Variants in PPFIBP1 observed in about 807,000 individuals in gnomAD.
PPFIBP1 encodes PPFIB scaffold protein 1, also known as liprin-beta-1.
In PPFIBP1, 112 loss-of-function variants were observed where a neutral mutation model predicts 137.8. That is an observed-to-expected ratio of 0.81 (90% confidence interval 0.70 to 0.95). The LOEUF is 0.95. PPFIBP1 is among the 40% of genes least tolerant of loss of function. The pLI, the probability that PPFIBP1 is intolerant of heterozygous loss-of-function variation, is 0.00. For synonymous variants in PPFIBP1, 378 were observed against 417.3 expected (o/e 0.91, Z 1.15); for missense variants, 1,083 against 1,196.6 (o/e 0.91, Z 1.40).
intron 1 of PPFIBP1, among the ~76,000 whole-genome samples, chr12:27,535,406 GTTTGTTTTGTTTTGT>G (rs142453813): frequency 6.6e-6 from 1 of 151,870 alleles, no homozygotes; most frequent in South Asian, 2.1e-4. Flanking sequence ...TGTTGTTGTT[GTTTGTTTTGTTTTGT>G]TTTGTTTTTT....
chr12:27,688,903 A>T, intron 26 of PPFIBP1, 112 bp from the exon 27 acceptor site: 1 of 997,588 alleles, frequency 1.0e-6, no homozygotes, highest in Non-Finnish European at 1.5e-6. Context: ...CGGGCTGTTG[A>T]GAGGATCATT....
intron 1 of PPFIBP1, among the ~76,000 whole-genome samples, chr12:27,527,720 C>T (rs551541952): frequency 1.3e-5 from 2 of 151,794 alleles, no homozygotes; most frequent in East Asian, 1.9e-4. Context: ...TGCGTAATGA[C>T]GTTTTTATTT....
Position 27,691,597 on chromosome 12 carries a change from C to G in PPFIBP1, c.2686-152C>G, listed in dbSNP as rs2061547987. The G allele has an allele frequency of 5.6e-6, 3 of 532,698 alleles. No homozygotes were observed. The Admixed American group carries it at 1.0e-4, about 18-fold the overall frequency. The allele number at this position is 532,698 out of a possible 1,614,324, so 33.0% of individuals were successfully genotyped here. A position where few individuals can be genotyped will look rare whatever the true frequency, so the allele number is the denominator to read the frequency against. ...TTTGTTTTTATCCATATTTAAACATCCAGCTACTTTTCTCTCTACCATGGG... is the reference window on the plus strand; with the variant it reads ...TTTGTTTTTATCCATATTTAAACATGCAGCTACTTTTCTCTCTACCATGGG... On this transcript the variant is annotated intron_variant, in intron 27 of 29. Transcript: ENST00000228425.
At chr12:27,575,907 C>T (rs2050518170) in intron 1 of PPFIBP1, among the ~76,000 whole-genome samples, 1 of 152,192 alleles carries the variant, frequency 6.6e-6, no homozygotes, top group Non-Finnish European at 1.5e-5. Context: ...TTGATCAAAA[C>T]TGTAGAACAA....
At chr12:27,621,893 C>A (rs2056377869) in intron 2 of PPFIBP1, among the ~76,000 whole-genome samples, 1 of 152,124 alleles carries the variant, frequency 6.6e-6, no homozygotes, top group Admixed American at 6.5e-5. Context: ...AAATATATAG[C>A]TTTTATTGTT....
In PPFIBP1 at chr12:27,675,335, C is replaced by T. The variant is rs372491228; in HGVS notation, c.1411-1093C>T. 9.7e-4 allele frequency among the ~76,000 whole-genome samples: 148 copies of T among 152,238 alleles called. 2 individuals carry two copies. The highest frequency in any genetic ancestry group is 3.6e-4 in the African/African-American group (15 of 41,542). On this transcript the variant is annotated intron_variant, in intron 17 of 29. Coordinates refer to ENST00000228425, the MANE Select transcript of PPFIBP1 (RefSeq NM_003622.4). The stretch of plus-strand genomic sequence containing the variant: ...TCAATAAATGGTTAAATGATTTTGA[C>T]GTCATTGTTGAGCCATGGATGATAA...
chr12:27,537,609 C>T (rs1322722941), intron 1 of PPFIBP1, among the ~76,000 whole-genome samples: 1 of 152,012 alleles, frequency 6.6e-6, no homozygotes, highest in Non-Finnish European at 1.5e-5. Flanking sequence ...GTTTGGCCTG[C>T]GTGTTATTAA....
At chr12:27,647,058 G>A (rs1385869762) in intron 5 of PPFIBP1, among the ~76,000 whole-genome samples, 12 of 152,210 alleles carry the variant, frequency 7.9e-5, no homozygotes, top group Non-Finnish European at 1.8e-4. Flanking sequence ...CGGGAGTGCA[G>A]TGGCACAATC....
chr12:27,680,503 A>G (rs2060814269), intron 21 of PPFIBP1, among the ~76,000 whole-genome samples: 2 of 152,162 alleles, frequency 1.3e-5, no homozygotes, highest in Non-Finnish European at 2.9e-5. Context: ...TCTCCTCATC[A>G]TCATAATTAG....
chr12:27,630,222 T>C (rs2057163968), intron 2 of PPFIBP1, among the ~76,000 whole-genome samples: 1 of 151,016 alleles, frequency 6.6e-6, no homozygotes, highest in Non-Finnish European at 1.5e-5. Flanking sequence ...TCCAACCAGG[T>C]CAACCATATC....
At chr12:27,529,043 A>G (rs1184818170) in intron 1 of PPFIBP1, among the ~76,000 whole-genome samples, 1 of 152,236 alleles carries the variant, frequency 6.6e-6, no homozygotes, top group African/African-American at 2.4e-5. Flanking sequence ...TTTTATGTAC[A>G]GGGGTGCACC....
In PPFIBP1 at chr12:27,556,889, A is replaced by G. The variant is rs1375979374; in HGVS notation, c.-123-21263A>G. Among the ~76,000 whole-genome samples, 4 of 152,088 alleles carry G rather than the reference A, an allele frequency of 2.6e-5. No individual in the cohort carries two copies. The East Asian group carries it at 5.8e-4, about 22-fold the overall frequency. ...GATTATTTTACATTTGCTCAAACAT[A>G]TATGTTTGAAGGGAAGGAGAGAGGG... is the stretch of plus-strand genomic sequence containing the variant. On this transcript the variant is annotated intron_variant, in intron 1 of 29. Transcript: ENST00000228425.
At chr12:27,638,443 C>T (rs189343964) in intron 4 of PPFIBP1, among the ~76,000 whole-genome samples, 242 of 152,168 alleles carry the variant, frequency 1.6e-3, no homozygotes, top group African/African-American at 5.5e-3. Context: ...TAATGTTGGC[C>T]CTAAGTCTTT....
chr12:27,574,522 G>T (rs1240536814), intron 1 of PPFIBP1, among the ~76,000 whole-genome samples: 3 of 152,090 alleles, frequency 2.0e-5, no homozygotes, highest in Non-Finnish European at 4.4e-5. Flanking sequence ...TATATTCCCA[G>T]TACCCCAAGA....
intron 2 of PPFIBP1, among the ~76,000 whole-genome samples, chr12:27,622,146 C>T (rs2113870): frequency 2.6e-5 from 4 of 151,934 alleles, no homozygotes. Context: ...CCTGGACCAT[C>T]CTCCCCATTT....
intron 1 of PPFIBP1, among the ~76,000 whole-genome samples, chr12:27,570,935 A>T (rs28496998): frequency 7.5e-6 from 1 of 133,742 alleles, no homozygotes; most frequent in South Asian, 2.4e-4. Context: ...AAATAAAAAA[A>T]TAAAAAAATA....
At chr12:27,525,453 C>T (rs1166443138) in intron 1 of PPFIBP1, among the ~76,000 whole-genome samples, 1 of 149,274 alleles carries the variant, frequency 6.7e-6, no homozygotes, top group Non-Finnish European at 1.5e-5. Context: ...GAAATTGACT[C>T]CATACACCGA....
At chr12:27,546,597 TAGCAGG>T (rs1946263730) in intron 1 of PPFIBP1, among the ~76,000 whole-genome samples, 1 of 152,164 alleles carries the variant, frequency 6.6e-6, no homozygotes, top group Non-Finnish European at 1.5e-5. Flanking sequence ...GGCAAGACAA[TAGCAGG>T]AGCTCCTGAT....
intron 13 of PPFIBP1, among the ~76,000 whole-genome samples, chr12:27,669,843 A>C (rs1254125904): frequency 6.6e-6 from 1 of 152,238 alleles, no homozygotes; most frequent in Non-Finnish European, 1.5e-5. Flanking sequence ...TGTATTGCTT[A>C]CTTAAGTAAG....
Sources: gnomAD v4.1 joint callset for allele counts (sites outside exome capture counted in the v4.1 genomes callset) on GRCh38, gnomAD v4.1.1 for gene constraint, MANE v1.5 for transcripts, NCBI Gene and HGNC (gene_info 2026-07-23, HGNC 2026-07-21) for gene names.